UNKL: variants seen among roughly 807,000 people sequenced by gnomAD.
UNKL encodes putative E3 ubiquitin-protein ligase UNKL.
A neutral mutation model predicts 78.0 loss-of-function variants in UNKL; 60 were observed. The ratio of observed to expected loss-of-function variants is 0.77; its 90% CI spans 0.63 to 0.95. The LOEUF (loss-of-function observed/expected upper bound fraction) is 0.95, where lower values mean the gene tolerates loss of function less well. UNKL is among the 40% of genes least tolerant of loss of function. UNKL has a pLI of 0.00. For synonymous variants in UNKL, 608 were observed against 474.8 expected (o/e 1.28, Z -3.65); for missense variants, 1,159 against 1,045.7 (o/e 1.11, Z -1.49).
rs2035037864 is a variant in UNKL at position 1,363,994 on chromosome 16, C to T, written c.*2246G>A. On this transcript the variant is annotated 3_prime_UTR_variant, in exon 15 of 15. Coordinates refer to ENST00000389221, the MANE Select transcript of UNKL (RefSeq NM_001372107.1). ...CAGCTGGCAGACTAGAGCTCAGCTG[C>T]TCCTGACCACTGACAACCGGGAGAT... is the stretch of plus-strand genomic sequence containing the variant. The T allele has an allele frequency of 6.6e-6, 1 of 152,216 alleles. No homozygotes were observed. The highest frequency in any genetic ancestry group is 2.4e-5 in the African/African-American group (1 of 41,442). 9.4% of individuals were successfully genotyped at this position (152,216 alleles called of 1,614,324 possible).
chr16:1,380,390 G>C (rs540374689), intron 10 of UNKL, among the ~76,000 whole-genome samples: 2 of 152,306 alleles, frequency 1.3e-5, no homozygotes, highest in East Asian at 3.9e-4. Flanking sequence ...GGGCCAGACA[G>C]TCCCGGGAGC....
At chr16:1,376,868 G>A (rs907036723) in intron 10 of UNKL, among the ~76,000 whole-genome samples, 4 of 152,002 alleles carry the variant, frequency 2.6e-5, no homozygotes, top group Non-Finnish European at 5.9e-5. Flanking sequence ...AGTTACCTGC[G>A]CAAATGCTGT....
rs1232431783 is a variant in UNKL at position 1,398,681 on chromosome 16, AC to A, written c.734+692del. ...CATCCAGACACCCTGTGGGGTCTGC[AC>A]CCCCCCACCCCCCTCTCAGGTGCAA... On this transcript the variant is annotated intron_variant, in intron 5 of 14. Coordinates refer to ENST00000389221, the MANE Select transcript of UNKL (RefSeq NM_001372107.1). 56 of 696,148 alleles carry A rather than the reference AC, an allele frequency of 8.0e-5. 3 individuals are homozygous for A. Among genetic ancestry groups the A allele is most frequent in the Admixed American group, 7.0e-4 (15 of 21,510 alleles). The allele number at this position is 696,148 out of a possible 1,614,324, so 43.1% of individuals were successfully genotyped here.
intron 9 of UNKL, 47 bp downstream of exon 9, chr16:1,390,585 C>G: frequency 6.5e-7 from 1 of 1,531,380 alleles, no homozygotes; most frequent in Non-Finnish European, 8.7e-7. Flanking sequence ...AGCCTCAGCC[C>G]TAACGCGACA....
chr16:1,395,807 A>G, intron 6 of UNKL: 1 of 455,244 alleles, frequency 2.2e-6, no homozygotes, highest in Non-Finnish European at 4.4e-6. Flanking sequence ...GACTCCCGAC[A>G]GGCCCCTGGT....
chr16:1,401,868 T>C (rs1217273414), intron 3 of UNKL, among the ~76,000 whole-genome samples, 167 bp from the exon 4 acceptor site: 4 of 152,186 alleles, frequency 2.6e-5, no homozygotes, highest in Non-Finnish European at 5.9e-5. Context: ...TGGCCCGCAG[T>C]CCTCATCCAA....
chr16:1,368,111 G>A (rs1022595147), intron 12 of UNKL: 4 of 558,660 alleles, frequency 7.2e-6, no homozygotes, highest in African/African-American at 3.8e-5. Context: ...GCCACCTGAG[G>A]AGTCTAAACA....
chr16:1,379,744 C>T (rs1295174189), intron 10 of UNKL: 4 of 938,032 alleles, frequency 4.3e-6, no homozygotes, highest in East Asian at 2.6e-4. Flanking sequence ...TCGGCCCCGC[C>T]CCCGTCGCAC....
chr16:1,400,194 G>A (rs1488983602), intron 4 of UNKL, among the ~76,000 whole-genome samples: 3 of 152,030 alleles, frequency 2.0e-5, no homozygotes, highest in Non-Finnish European at 4.4e-5. Flanking sequence ...GCCGAGGTGG[G>A]TGGATCACAA....
intron 2 of UNKL, among the ~76,000 whole-genome samples, chr16:1,404,172 G>A (rs1231081859): frequency 6.6e-6 from 1 of 152,186 alleles, no homozygotes; most frequent in African/African-American, 2.4e-5. Flanking sequence ...TCGAGCCCTG[G>A]CTGGTCACAG....
intron 12 of UNKL, among the ~76,000 whole-genome samples, chr16:1,368,746 C>A (rs1256225977): frequency 1.4e-5 from 2 of 144,838 alleles, no homozygotes; most frequent in Non-Finnish European, 3.0e-5. Context: ...ACTAAAAATA[C>A]AAAAATTAGC....
chr16:1,411,149 G>C (rs886397989), intron 2 of UNKL, among the ~76,000 whole-genome samples: 11 of 152,132 alleles, frequency 7.2e-5, no homozygotes, highest in African/African-American at 2.7e-4. Context: ...CCAGGAGTTT[G>C]AGACTGAGAC....
In UNKL at chr16:1,370,185, G is replaced by C; in HGVS notation, c.1530C>G (p.Pro510=). The C allele has an allele frequency of 6.6e-7, 1 of 1,519,280 alleles. No homozygotes were observed. The highest frequency in any genetic ancestry group is 1.2e-5 in the South Asian group (1 of 81,340). The allele number at this position is 1,519,280 out of a possible 1,614,324, so 94.1% of individuals were successfully genotyped here. Residue 510 remains proline (P), a synonymous_variant, in exon 12 of 15, where the codon CCC becomes CCG. Coordinates refer to ENST00000389221, the MANE Select transcript of UNKL (RefSeq NM_001372107.1). ...SAMTPPQQPP[P]LRSEPGTLGS... ...CCAGTGTGCCCGGCTCTGAACGCAGGGGTGGCGGCTGCTGGGGAGGCGTCA... is the reference window on the plus strand; with the variant it reads ...CCAGTGTGCCCGGCTCTGAACGCAGCGGTGGCGGCTGCTGGGGAGGCGTCA...
At chr16:1,388,241 G>A (rs1267230421) in intron 9 of UNKL, among the ~76,000 whole-genome samples, 1 of 152,198 alleles carries the variant, frequency 6.6e-6, no homozygotes, top group African/African-American at 2.4e-5. Context: ...AAGCCAGGAG[G>A]CACCACAGTG....
At chr16:1,393,320 T>A (rs1426591991) in intron 7 of UNKL, among the ~76,000 whole-genome samples, 1 of 151,268 alleles carries the variant, frequency 6.6e-6, no homozygotes, top group African/African-American at 2.4e-5. Flanking sequence ...GAGGAGGCCG[T>A]GTGGGTTCCC....
intron 5 of UNKL, chr16:1,398,681 A>AAACCCC: frequency 1.4e-6 from 1 of 694,534 alleles, no homozygotes. Context: ...TGGGGTCTGC[A>AAACCCC]CCCCCCCACC....
Position 1,406,048 on chromosome 16 carries a change from C to A in UNKL, c.288-2704G>T, listed in dbSNP as rs1298057106. 1.3e-5 allele frequency: 6 copies of A among 456,610 alleles called. No individual in the cohort carries two copies. In the East Asian group the frequency reaches 4.2e-4, roughly 32 times the overall value. The allele number at this position is 456,610 out of a possible 1,614,324, so 28.3% of individuals were successfully genotyped here. ...GAGGCCCGTGGATCTGCACTGCCGG[C>A]TGGTTCCCAGGGAACGTGCGAGAAC... On this transcript the variant is annotated intron_variant, in intron 2 of 14. Coordinates refer to ENST00000389221, the MANE Select transcript of UNKL (RefSeq NM_001372107.1).
chr16:1,366,430 C>G lies in UNKL; in HGVS notation c.2047-35G>C. ...CAGAACAATGACGGGCTCAGGAGGC[C>G]CCTGCCCAGGCTGGGCCAGCTGGGG... On this transcript the variant is annotated intron_variant, in intron 14 of 14. Transcript: ENST00000389221. 5 of 1,538,440 alleles carry G rather than the reference C, an allele frequency of 3.3e-6. No homozygotes were observed. The South Asian group carries it at 4.8e-5, about 15-fold the overall frequency.
rs559229398 is a variant in UNKL, at chr16:1,380,191, T to TA, written c.1264+5016dup. 1.4e-4 allele frequency among the ~76,000 whole-genome samples: 22 copies of TA among 152,110 alleles called. No homozygotes were observed. The East Asian group carries it at 3.9e-3, about 27-fold the overall frequency. On this transcript the variant is annotated intron_variant, in intron 10 of 14. Coordinates refer to ENST00000389221, the MANE Select transcript of UNKL (RefSeq NM_001372107.1). ...TCAGATGGGTCTGAAATGATCCCACTAAAAATCCCTTAAATACAGAATCCG... is the reference window on the plus strand; with the variant it reads ...TCAGATGGGTCTGAAATGATCCCACTAAAAAATCCCTTAAATACAGAATCCG...
Sources: allele counts gnomAD v4.1 joint callset (sites outside exome capture counted in the v4.1 genomes callset), GRCh38; gene constraint gnomAD v4.1.1; transcripts MANE v1.5; gene names NCBI Gene and HGNC (gene_info 2026-07-23, HGNC 2026-07-21).